Variants in KCNMB1 observed in about 807,000 individuals in gnomAD.
The protein encoded by KCNMB1 is potassium calcium-activated channel subfamily M regulatory beta subunit 1, also known as calcium-activated potassium channel subunit beta-1.
Under a neutral mutation model 21.7 loss-of-function variants are expected in KCNMB1, and 22 were observed. That is an observed-to-expected ratio of 1.01 (90% CI 0.72 to 1.45). The LOEUF is 1.45. Ranked by LOEUF, KCNMB1 falls within the 40% of genes most tolerant of loss-of-function variation. The pLI is 0.00. For missense variants in KCNMB1, 243 were observed against 243.4 expected (o/e 1.00, Z 0.01); for synonymous variants, 114 against 107.6 (o/e 1.06, Z -0.37).
intron 3 of KCNMB1, among the ~76,000 whole-genome samples, chr5:170,382,041 T>C (rs1388131733): frequency 6.6e-6 from 1 of 152,124 alleles, no homozygotes; most frequent in Non-Finnish European, 1.5e-5. Context: ...CCAGGCACCC[T>C]GCCCCTTCCC....
At chr5:170,385,989 G>A (rs1764453469) in intron 1 of KCNMB1, among the ~76,000 whole-genome samples, 1 of 151,838 alleles carries the variant, frequency 6.6e-6, no homozygotes, top group Non-Finnish European at 1.5e-5. Context: ...AGCCGGGTGT[G>A]GTCGTGGGAG....
chr5:170,378,724 T>G lies in KCNMB1; in HGVS notation c.556A>C (p.Ile186Leu). ...TGGCTCTACTTCTGGGCCGCCAGGA[T>G]GGACAGGTACTGGTTGCTCTTCACC... ...AMVKSNQYLS[I>L]LAAQK Residue 186 changes from isoleucine to leucine, a missense_variant, in exon 4 of 4, where the codon ATC becomes CTC. Ile to Leu is a conservative substitution (Grantham distance 5, BLOSUM62 2). Coordinates refer to ENST00000274629, the MANE Select transcript of KCNMB1 (RefSeq NM_004137.4). The G allele has an allele frequency of 1.2e-6, 2 of 1,612,506 alleles. No homozygotes were observed. Among genetic ancestry groups the G allele is most frequent in the Non-Finnish European group, 1.7e-6 (2 of 1,179,330 alleles).
chr5:170,385,486 G>A lies in KCNMB1; in HGVS notation c.-24-15C>T. The A allele has an allele frequency of 6.2e-7, 1 of 1,613,452 alleles. No homozygotes were observed. Among genetic ancestry groups the A allele is most frequent in the Non-Finnish European group, 8.5e-7 (1 of 1,179,578 alleles). ...AGTGATCATTTCTAGGTCCACAGAA[G>A]CAAACAGAAGTGAGATCAGCCCAGT... On this transcript the variant is annotated splice_polypyrimidine_tract_variant and intron_variant, in intron 1 of 3. Coordinates refer to ENST00000274629, the MANE Select transcript of KCNMB1 (RefSeq NM_004137.4).
intron 3 of KCNMB1, among the ~76,000 whole-genome samples, chr5:170,381,073 A>G (rs917987977): frequency 6.6e-6 from 1 of 152,212 alleles, no homozygotes; most frequent in African/African-American, 2.4e-5. Flanking sequence ...AGGTCTATGG[A>G]TGAGCTCTGA....
intron 3 of KCNMB1, among the ~76,000 whole-genome samples, chr5:170,382,114 G>A (rs703504): frequency 8.5e-5 from 13 of 152,110 alleles, no homozygotes; most frequent in Admixed American, 3.9e-4. Context: ...CATCTTGGTC[G>A]TGAGTGCTTG....
chr5:170,378,813 G>C lies in KCNMB1; in HGVS notation c.467C>G (p.Ala156Gly). 1 of 1,614,240 alleles carries C rather than the reference G, an allele frequency of 6.2e-7. No homozygotes were observed. The highest frequency in any genetic ancestry group is 8.5e-7 in the Non-Finnish European group (1 of 1,180,038). Residue 156 changes from alanine (A) to glycine (G), a missense_variant, in exon 4 of 4, where the codon GCC becomes GGC. Transcript: ENST00000274629. ...VLFQRLYGPQ[A>G]LLFSLFWPTF... The stretch of plus-strand genomic sequence containing the variant: ...GGGCCAGAAGAGGGAGAAGAGGAGG[G>C]CCTGGGGCCCGTAGAGGCGCTGGAA...
At position 170,378,411 on chromosome 5, in the gene KCNMB1, G is replaced by A. The variant is rs1764092908; in HGVS notation, c.*293C>T. On this transcript the variant is annotated 3_prime_UTR_variant, in exon 4 of 4. Transcript: ENST00000274629. ...CATCGTTCTCTGTGGGGCACATAGT[G>A]ATGCAGCCGGAAACAGGTATGAGTC... 2.9e-6 allele frequency: 1 copy of A among 350,490 alleles called. No homozygotes were observed. Among genetic ancestry groups the A allele is most frequent in the East Asian group, 4.9e-5 (1 of 20,398 alleles). The allele number at this position is 350,490 out of a possible 1,614,324, so 21.7% of individuals were successfully genotyped here. A position where few individuals can be genotyped will look rare whatever the true frequency, so the allele number is the denominator to read the frequency against.
chr5:170,385,509 A>C (rs1764433205), intron 1 of KCNMB1, 38 bp from the exon 2 acceptor site: 13 of 1,585,608 alleles, frequency 8.2e-6, no homozygotes, highest in Non-Finnish European at 1.1e-5. Flanking sequence ...AGATCAGCCC[A>C]GTTCACAGGT....
intron 1 of KCNMB1, among the ~76,000 whole-genome samples, chr5:170,386,848 C>T (rs1764494808): frequency 6.6e-6 from 1 of 152,124 alleles, no homozygotes; most frequent in Admixed American, 6.5e-5. Flanking sequence ...CTTCTCTCCT[C>T]TTTCTTTAGG....
At chr5:170,381,719 T>A (rs1764248464) in intron 3 of KCNMB1, among the ~76,000 whole-genome samples, 1 of 152,206 alleles carries the variant, frequency 6.6e-6, no homozygotes, top group Admixed American at 6.5e-5. Context: ...GATGCTCCTC[T>A]GAGCTGGCAA....
intron 3 of KCNMB1, among the ~76,000 whole-genome samples, chr5:170,381,404 G>A (rs1764234412): frequency 6.6e-6 from 1 of 152,226 alleles, no homozygotes; most frequent in Non-Finnish European, 1.5e-5. Flanking sequence ...GCAGACTATG[G>A]CCCCTACCTT....
At chr5:170,386,962 T>A (rs768137323) in intron 1 of KCNMB1, among the ~76,000 whole-genome samples, 1 of 151,906 alleles carries the variant, frequency 6.6e-6, no homozygotes, top group Non-Finnish European at 1.5e-5. Context: ...GGAGTGTGAG[T>A]CTTGACAAAG....
At chr5:170,383,893 G>C in intron 2 of KCNMB1, 43 bp from the exon 3 acceptor site, 1 of 1,598,378 alleles carries the variant, frequency 6.3e-7, no homozygotes, top group Non-Finnish European at 8.5e-7. Flanking sequence ...TCTCAGAACT[G>C]GGTGACACAC....
At chr5:170,382,694 T>C (rs185896540) in intron 3 of KCNMB1, 1 of 152,150 alleles carries the variant, frequency 6.6e-6, no homozygotes, top group East Asian at 1.9e-4. Flanking sequence ...GTTTCACTCT[T>C]GTTGCCAGGC....
rs920123417 is a variant in KCNMB1 at position 170,386,731 on chromosome 5, A to T, written c.-24-1260T>A. On this transcript the variant is annotated intron_variant, in intron 1 of 3. Transcript: ENST00000274629. ...ACATTCCCCTACTTCAAGCAAAGAA[A>T]GAAGAAAGAAGGCATCATGGTGGCC... Among the ~76,000 whole-genome samples the T allele has an allele frequency of 2.6e-5, 4 of 152,078 alleles. No homozygotes were observed. In the East Asian group the frequency reaches 7.7e-4, roughly 29 times the overall value.
rs1044381314 is a variant in KCNMB1, at chr5:170,385,206, C to T, written c.134+108G>A. 3 of 1,234,714 alleles carry T rather than the reference C, an allele frequency of 2.4e-6. No homozygotes were observed. The African/African-American group carries it at 4.5e-5, about 18-fold the overall frequency. The allele number at this position is 1,234,714 out of a possible 1,614,324, so 76.5% of individuals were successfully genotyped here. The stretch of plus-strand genomic sequence containing the variant: ...AATGAGCATCGTCTTGACCCTGCTG[C>T]CTTGAATGAGGGTCAAGGAGAGGGG... On this transcript the variant is annotated intron_variant, in intron 2 of 3. Transcript: ENST00000274629.
chr5:170,384,265 C>T (rs1438995259), intron 2 of KCNMB1, among the ~76,000 whole-genome samples: 1 of 152,164 alleles, frequency 6.6e-6, no homozygotes, highest in Non-Finnish European at 1.5e-5. Context: ...TCCATATCGT[C>T]TTCATTTTGC....
intron 3 of KCNMB1, 94 bp from the exon 4 acceptor site, chr5:170,379,067 G>A: frequency 2.7e-6 from 4 of 1,457,412 alleles, no homozygotes; most frequent in Non-Finnish European, 2.8e-6. Flanking sequence ...CAGCTTTGTA[G>A]TCGGGCCCCT....
intron 1 of KCNMB1, among the ~76,000 whole-genome samples, chr5:170,389,015 G>T (rs1256036362): frequency 2.6e-5 from 4 of 152,084 alleles, no homozygotes; most frequent in Admixed American, 6.5e-5. Flanking sequence ...CAGCCTTCTG[G>T]CCACTCTGAG....
Sources: allele counts gnomAD v4.1 joint callset (sites outside exome capture counted in the v4.1 genomes callset), GRCh38; gene constraint gnomAD v4.1.1; transcripts MANE v1.5; gene names NCBI Gene and HGNC (gene_info 2026-07-23, HGNC 2026-07-21).